Variants in YAF2 observed in about 807,000 individuals in gnomAD.
YAF2 encodes the protein YY1-associated factor 2.
YAF2 carries 7 observed loss-of-function variants against 20.1 expected under a neutral mutation model. The ratio of observed to expected loss-of-function variants is 0.35; its 90% confidence interval spans 0.20 to 0.65. YAF2 has a LOEUF of 0.65. Among genes scored for constraint, YAF2 ranks in the 30% least tolerant of loss-of-function variants. The probability of loss-of-function intolerance (pLI) is 0.69; values close to 1 mark genes in which losing one functional copy is unlikely to be tolerated. For missense variants in YAF2, 151 were observed against 219.2 expected (o/e 0.69, Z 1.96); for synonymous variants, 74 against 76.0 (o/e 0.97, Z 0.14).
chr12:42,163,333 T>C (rs2065841138), intron 2 of YAF2, among the ~76,000 whole-genome samples: 1 of 152,184 alleles, frequency 6.6e-6, no homozygotes, highest in Non-Finnish European at 1.5e-5. Context: ...CCTTAAGTGA[T>C]GATAAGTCAC....
intron 2 of YAF2, chr12:42,205,940 T>TA (rs2067028940): frequency 2.6e-6 from 1 of 388,068 alleles, no homozygotes; most frequent in Admixed American, 3.1e-5. Context: ...TGAAAATTCT[T>TA]AATCATTTTT....
At position 42,238,176 on chromosome 12, in the gene YAF2, C is replaced by A; in HGVS notation, c.5G>T (p.Gly2Val). The A allele has an allele frequency of 1.3e-6, 2 of 1,544,648 alleles. No homozygotes were observed. The highest frequency in any genetic ancestry group is 1.7e-6 in the Non-Finnish European group (2 of 1,146,168). The stretch of plus-strand genomic sequence containing the variant: ...TTACCTGGTGGGGCTCTTCTTGTCT[C>A]CCATGGCTTGGCTATCACCGCACGC... MGDKKSPTRPKR... is the reference protein window; with the variant it reads MVDKKSPTRPKR... The change falls in exon 1 of 4, where the codon GGA becomes GTA. Residue 2 changes from glycine (G) to valine (V), a missense_variant. Coordinates refer to ENST00000534854, the MANE Select transcript of YAF2 (RefSeq NM_005748.6).
rs2065735754 is a variant in YAF2, at chr12:42,157,975, AT to A, written c.*2613del. The A allele has an allele frequency of 6.6e-6, 1 of 152,174 alleles. No individual in the cohort carries two copies. Among genetic ancestry groups the A allele is most frequent in the Non-Finnish European group, 1.5e-5 (1 of 68,026 alleles). The allele number at this position is 152,174 out of a possible 1,614,324, so 9.4% of individuals were successfully genotyped here. On this transcript the variant is annotated 3_prime_UTR_variant, in exon 4 of 4. Coordinates refer to ENST00000534854, the MANE Select transcript of YAF2 (RefSeq NM_005748.6). ...GTAATAAATGCTGGAAAACATCCAA[AT>A]TCTTTTTGTATGGAATTTGGCTAAA...
chr12:42,230,498 G>A (rs2067954336), intron 2 of YAF2, among the ~76,000 whole-genome samples: 1 of 151,740 alleles, frequency 6.6e-6, no homozygotes, highest in South Asian at 2.1e-4. Context: ...AAATATACAG[G>A]GACCAACATA....
chr12:42,205,725 C>T, intron 2 of YAF2: 1 of 216,884 alleles, frequency 4.6e-6, no homozygotes, highest in South Asian at 5.6e-5. Flanking sequence ...TTATTATTTC[C>T]TCTTCTTCCT....
intron 2 of YAF2, among the ~76,000 whole-genome samples, chr12:42,236,288 G>A (rs372745052): frequency 6.6e-6 from 1 of 152,044 alleles, no homozygotes. Flanking sequence ...CACAAATCAC[G>A]GGTCCAAAAA....
At chr12:42,176,943 G>C (rs1374760055) in intron 2 of YAF2, among the ~76,000 whole-genome samples, 1 of 152,082 alleles carries the variant, frequency 6.6e-6, no homozygotes, top group Non-Finnish European at 1.5e-5. Context: ...CTCCAGCCTG[G>C]GCAACAAAAG....
intron 2 of YAF2, among the ~76,000 whole-genome samples, chr12:42,215,128 T>C (rs1358716284): frequency 6.6e-6 from 1 of 152,202 alleles, no homozygotes; most frequent in Non-Finnish European, 1.5e-5. Flanking sequence ...GTTTAATGAG[T>C]AATGAAAATA....
At chr12:42,234,861 A>G (rs1254720405) in intron 2 of YAF2, 2 of 693,204 alleles carry the variant, frequency 2.9e-6, no homozygotes, top group African/African-American at 1.9e-5. Context: ...GGTGGTGTGC[A>G]TCTGTAGTTT....
chr12:42,227,955 C>T (rs2067796856), intron 2 of YAF2, among the ~76,000 whole-genome samples: 1 of 145,978 alleles, frequency 6.9e-6, no homozygotes, highest in Non-Finnish European at 1.5e-5. Flanking sequence ...GCCAGCCACC[C>T]TGTCCGGGAG....
intron 2 of YAF2, among the ~76,000 whole-genome samples, chr12:42,189,083 T>G (rs897043790): frequency 6.6e-6 from 1 of 152,158 alleles, no homozygotes. Context: ...TTAGAGTGTG[T>G]GTAGAATTTC....
intron 2 of YAF2, chr12:42,231,516 C>T (rs2067984543): frequency 6.6e-6 from 1 of 152,190 alleles, no homozygotes; most frequent in South Asian, 2.1e-4. Context: ...ACAGTTGTTT[C>T]TCAAAGGTTA....
chr12:42,236,136 C>T, intron 2 of YAF2: 3 of 1,295,230 alleles, frequency 2.3e-6, no homozygotes, highest in African/African-American at 1.5e-5. Context: ...ATGTTCCTGC[C>T]TCCAAAAAAC....
intron 2 of YAF2, among the ~76,000 whole-genome samples, chr12:42,207,619 A>G (rs529302741): frequency 7.7e-4 from 117 of 152,298 alleles, no homozygotes; most frequent in Middle Eastern, 3.4e-3. Flanking sequence ...TAGGCTGGGC[A>G]CGGTGGCTCA....
chr12:42,226,355 T>C (rs901731446), intron 2 of YAF2, among the ~76,000 whole-genome samples: 1 of 152,224 alleles, frequency 6.6e-6, no homozygotes, highest in African/African-American at 2.4e-5. Flanking sequence ...TCATGTACAA[T>C]ATCATCCTTG....
intron 2 of YAF2, among the ~76,000 whole-genome samples, chr12:42,191,787 T>C (rs2066618798): frequency 6.6e-6 from 1 of 151,998 alleles, no homozygotes; most frequent in Admixed American, 6.6e-5. Context: ...TGGGGGTGAA[T>C]AAGAATCAAG....
chr12:42,228,133 T>C (rs2067813582), intron 2 of YAF2, among the ~76,000 whole-genome samples: 3 of 58,050 alleles, frequency 5.2e-5, no homozygotes, highest in African/African-American at 9.0e-5. Context: ...AGCCGCCCCG[T>C]CCGGGAGGGA....
chr12:42,168,718 A>T (rs551112117), intron 2 of YAF2, among the ~76,000 whole-genome samples: 1 of 152,204 alleles, frequency 6.6e-6, no homozygotes, highest in African/African-American at 2.4e-5. Flanking sequence ...TTCTCAAAGT[A>T]GTTACAGTAA....
intron 3 of YAF2, chr12:42,161,307 GA>G: frequency 3.7e-6 from 1 of 269,640 alleles, no homozygotes; most frequent in Non-Finnish European, 6.9e-6. Flanking sequence ...TCGGTATGTT[GA>G]AAACCACTCC....
Sources: gnomAD v4.1 joint callset for allele counts (sites outside exome capture counted in the v4.1 genomes callset) on GRCh38, gnomAD v4.1.1 for gene constraint, MANE v1.5 for transcripts, NCBI Gene and HGNC (gene_info 2026-07-23, HGNC 2026-07-21) for gene names.